Variants in OR2L13 observed in about 807,000 individuals in gnomAD.
OR2L13 encodes the protein olfactory receptor 2L13.
Under a neutral mutation model 15.3 loss-of-function variants are expected in OR2L13, and 14 were observed. The observed-to-expected ratio is 0.91, with a 90% CI of 0.60 to 1.43. OR2L13 has a LOEUF of 1.43. OR2L13 is among the 40% of genes most tolerant of loss of function. The pLI, the probability that OR2L13 is intolerant of heterozygous loss-of-function variation, is 0.00. For missense variants in OR2L13, 367 were observed against 387.9 expected (o/e 0.95, Z 0.45); for synonymous variants, 152 against 142.9 (o/e 1.06, Z -0.45).
At chr1:247,973,966 GAC>G in the OR2L13 span, among the ~76,000 whole-genome samples, 1 of 152,162 alleles carries the variant, frequency 6.6e-6, no homozygotes, top group Non-Finnish European at 1.5e-5. Context: ...CTAGTATAAA[GAC>G]ACAGACACAC....
At chr1:248,032,963 T>C in the OR2L13 span, among the ~76,000 whole-genome samples, 1 of 147,134 alleles carries the variant, frequency 6.8e-6, no homozygotes, top group Non-Finnish European at 1.5e-5. Context: ...TTTTTGTCTT[T>C]ACTATGCATT....
the OR2L13 span, among the ~76,000 whole-genome samples, chr1:247,971,381 G>A: frequency 6.6e-6 from 1 of 152,104 alleles, no homozygotes; most frequent in Non-Finnish European, 1.5e-5. Flanking sequence ...GTTGGTTGAG[G>A]CATTTATCCT....
At chr1:248,075,762 C>G in the OR2L13 span, among the ~76,000 whole-genome samples, 2 of 152,178 alleles carry the variant, frequency 1.3e-5, no homozygotes, top group Non-Finnish European at 2.9e-5. Flanking sequence ...AGCCCTTTGT[C>G]AGATGGGTAG....
chr1:248,062,862 C>T, the OR2L13 span: 1 of 152,140 alleles, frequency 6.6e-6, no homozygotes, highest in African/African-American at 2.4e-5. Flanking sequence ...TTATATATTA[C>T]TATTATGTAT....
At chr1:247,989,396 TC>T in the OR2L13 span, among the ~76,000 whole-genome samples, 4 of 152,136 alleles carry the variant, frequency 2.6e-5, no homozygotes, top group Non-Finnish European at 4.4e-5. Flanking sequence ...ATAATATGGA[TC>T]CATAACATAT....
At chr1:247,977,895 T>A in the OR2L13 span, among the ~76,000 whole-genome samples, 1 of 152,202 alleles carries the variant, frequency 6.6e-6, no homozygotes, top group East Asian at 1.9e-4. Flanking sequence ...ACTCCATCAC[T>A]CACTTCTCGA....
At chr1:247,949,740 G>C in the OR2L13 span, 1 of 1,613,544 alleles carries the variant, frequency 6.2e-7, no homozygotes. Context: ...GAGGAACAAG[G>C]AGGTGATGGG....
intron 2 of OR2L13, among the ~76,000 whole-genome samples, chr1:248,099,142 C>T (rs1270134438): frequency 6.6e-6 from 1 of 152,030 alleles, no homozygotes; most frequent in Non-Finnish European, 1.5e-5. Flanking sequence ...CTGTCATCTA[C>T]AGTAATGAAA....
the OR2L13 span, among the ~76,000 whole-genome samples, chr1:248,063,796 G>A: frequency 4.0e-4 from 2 of 5,016 alleles, no homozygotes; most frequent in Non-Finnish European, 0.011. Flanking sequence ...ATGTGTGCGT[G>A]TGTGTGTGTG....
At chr1:248,058,388 C>G in the OR2L13 span, among the ~76,000 whole-genome samples, 1 of 152,154 alleles carries the variant, frequency 6.6e-6, no homozygotes, top group Non-Finnish European at 1.5e-5. Flanking sequence ...TCCGTCATCA[C>G]CCCCAGGTTC....
the OR2L13 span, among the ~76,000 whole-genome samples, chr1:247,982,925 C>A: frequency 6.6e-6 from 1 of 151,776 alleles, no homozygotes; most frequent in Non-Finnish European, 1.5e-5. Context: ...TTAAAGTGAG[C>A]CAGCCTTATT....
At chr1:248,060,847 A>G in the OR2L13 span, 23 of 1,613,864 alleles carry the variant, frequency 1.4e-5, no homozygotes, top group Middle Eastern at 5.0e-4. Context: ...CCATCTCCAC[A>G]CACCCATGTA....
chr1:247,942,847 C>T, the OR2L13 span, among the ~76,000 whole-genome samples: 1 of 149,484 alleles, frequency 6.7e-6, no homozygotes, highest in African/African-American at 2.5e-5. Flanking sequence ...CTCCAACTAA[C>T]ACTTTGTTCT....
the OR2L13 span, among the ~76,000 whole-genome samples, chr1:248,017,536 A>G: frequency 6.6e-6 from 1 of 152,196 alleles, no homozygotes; most frequent in Non-Finnish European, 1.5e-5. Context: ...TTTTTCTTCC[A>G]AGCTTAGCTG....
the OR2L13 span, among the ~76,000 whole-genome samples, chr1:248,080,438 C>T: frequency 6.6e-6 from 1 of 152,138 alleles, no homozygotes; most frequent in Non-Finnish European, 1.5e-5. Flanking sequence ...AAACCTCCAC[C>T]TCAAAGAGGC....
the OR2L13 span, chr1:248,046,885 T>C: frequency 6.6e-6 from 1 of 152,208 alleles, no homozygotes; most frequent in African/African-American, 2.4e-5. Flanking sequence ...ATAAAGGTAC[T>C]AATTATAATT....
the OR2L13 span, among the ~76,000 whole-genome samples, chr1:247,951,961 A>ATG: frequency 6.6e-6 from 1 of 151,578 alleles, no homozygotes; most frequent in Non-Finnish European, 1.5e-5. Context: ...GTATTACAAG[A>ATG]TGTGTGTGTG....
At chr1:248,083,484 T>A in the OR2L13 span, 46,382 of 669,436 alleles carry the variant, frequency 0.069, 2,117 homozygotes, top group African/African-American at 0.17. Context: ...ATGGTATCTC[T>A]CAATACAATT....
chr1:248,099,594 C>G, exon 3 of OR2L13: 1 of 1,614,068 alleles, frequency 6.2e-7, no homozygotes, highest in Non-Finnish European at 8.5e-7. Context: ...TGATGTACAT[C>G]TCCACCACCG....
Sources: allele counts gnomAD v4.1 joint callset (sites outside exome capture counted in the v4.1 genomes callset), GRCh38; gene constraint gnomAD v4.1.1; transcripts MANE v1.5; gene names NCBI Gene and HGNC (gene_info 2026-07-23, HGNC 2026-07-21).